Variants in DENND1A observed in about 807,000 individuals in gnomAD.
The protein encoded by DENND1A is DENN domain-containing protein 1A.
A neutral mutation model predicts 113.7 loss-of-function variants in DENND1A; 51 were observed. The ratio of observed to expected loss-of-function variants is 0.45; its 90% CI spans 0.36 to 0.57. The LOEUF (loss-of-function observed/expected upper bound fraction) is 0.57. DENND1A is among the 20% of genes least tolerant of loss of function. The pLI is 0.00. For missense variants in DENND1A, 1,258 were observed against 1,395.9 expected (o/e 0.90, Z 1.57); for synonymous variants, 565 against 570.8 (o/e 0.99, Z 0.14).
intron 13 of DENND1A, among the ~76,000 whole-genome samples, chr9:123,539,839 C>T (rs555240091): frequency 8.7e-5 from 13 of 148,800 alleles, no homozygotes; most frequent in Non-Finnish European, 1.8e-4. Context: ...GCCGAGATCG[C>T]GCCACTGCAC....
chr9:123,710,226 A>G (rs2066489347), intron 5 of DENND1A, among the ~76,000 whole-genome samples: 1 of 152,230 alleles, frequency 6.6e-6, no homozygotes, highest in Non-Finnish European at 1.5e-5. Context: ...GCGTCTAAAG[A>G]TACAAAATCT....
At chr9:123,490,224 C>T (rs1016760613) in intron 13 of DENND1A, among the ~76,000 whole-genome samples, 11 of 152,126 alleles carry the variant, frequency 7.2e-5, no homozygotes, top group Admixed American at 1.3e-4. Context: ...AAGAATAATG[C>T]GACCCACTAC....
At chr9:123,864,153 A>C (rs1845488675) in intron 2 of DENND1A, among the ~76,000 whole-genome samples, 1 of 152,206 alleles carries the variant, frequency 6.6e-6, no homozygotes, top group African/African-American at 2.4e-5. Flanking sequence ...AGGCACTGTT[A>C]ATTATTTTAT....
intron 9 of DENND1A, among the ~76,000 whole-genome samples, chr9:123,633,877 C>A (rs1008693969): frequency 1.3e-5 from 2 of 152,318 alleles, no homozygotes; most frequent in East Asian, 1.9e-4. Flanking sequence ...TTCATCCATT[C>A]GCCCATTCAT....
intron 2 of DENND1A, among the ~76,000 whole-genome samples, chr9:123,813,218 C>T (rs1015361837): frequency 6.6e-6 from 1 of 152,210 alleles, no homozygotes; most frequent in Non-Finnish European, 1.5e-5. Context: ...CTGTCTCAGC[C>T]TCCCAATATG....
Position 123,724,518 on chromosome 9 carries a change from TAA to T in DENND1A, c.302+33183_302+33184del, listed in dbSNP as rs61709188. Among the ~76,000 whole-genome samples the T allele has an allele frequency of 2.7e-3, 388 of 142,754 alleles. 1 individual carries two copies. Among genetic ancestry groups the T allele is most frequent in the African/African-American group, 7.5e-3 (296 of 39,704 alleles). The allele number at this position is 142,754 out of a possible 152,430, so 93.7% of individuals were successfully genotyped here. A position where few individuals can be genotyped will look rare whatever the true frequency, so the allele number is the denominator to read the frequency against. ...AAGACAGGACAGAGAAGCATAAAAT[TAA>T]AAAAAAAAAAAAAGTCATTGAGCAG... On this transcript the variant is annotated intron_variant, in intron 5 of 23. Coordinates refer to ENST00000394215, the MANE Select transcript of DENND1A (RefSeq NM_001352964.2).
intron 19 of DENND1A, among the ~76,000 whole-genome samples, chr9:123,430,575 C>T (rs926134803): frequency 6.6e-6 from 1 of 152,132 alleles, no homozygotes; most frequent in South Asian, 2.1e-4. Context: ...TGCAGGAATA[C>T]AAAACCAAAC....
Position 123,744,718 on chromosome 9 carries a change from T to C in DENND1A, c.302+12985A>G, listed in dbSNP as rs369933102. On this transcript the variant is annotated intron_variant, in intron 5 of 23. Transcript: ENST00000394215. ...TTTCAATATCTACTATACTATGTGA[T>C]GTGGTGAGATGTCCACGACCACCTT... Among the ~76,000 whole-genome samples the C allele has an allele frequency of 5.3e-5, 8 of 152,134 alleles. No homozygotes were observed. In the East Asian group the frequency reaches 1.5e-3, roughly 29 times the overall value.
chr9:123,584,435 T>C (rs1377967850), intron 11 of DENND1A, among the ~76,000 whole-genome samples: 1 of 152,084 alleles, frequency 6.6e-6, no homozygotes, highest in Non-Finnish European at 1.5e-5. Context: ...GCCTGCCGAG[T>C]GGCACCAGTC....
In DENND1A at chr9:123,382,251, C is replaced by T. The variant is rs1466304721; in HGVS notation, c.2394G>A (p.Arg798=). The T allele has an allele frequency of 2.5e-6, 4 of 1,609,948 alleles. No homozygotes were observed. Among genetic ancestry groups the T allele is most frequent in the African/African-American group, 1.3e-5 (1 of 74,906 alleles). Residue 798 remains arginine, a synonymous_variant, in exon 24 of 24, where the codon CGG becomes CGA. Transcript: ENST00000394215. ...AGAALGDVSE[R]LQTDRDRRAA... is the part of the protein sequence containing the mutation. ...CTCGCCTGTCCCGATCCGTCTGCAG[C>T]CGCTCTGAGACGTCACCAAGTGCGG...
intron 13 of DENND1A, among the ~76,000 whole-genome samples, chr9:123,537,669 G>C (rs921244986): frequency 1.3e-4 from 19 of 148,040 alleles, no homozygotes; most frequent in Admixed American, 6.7e-5. Context: ...TGGGCATGTA[G>C]TTAAAAAAAA....
chr9:123,495,167 CTCTTA>C (rs1414261308), intron 13 of DENND1A, among the ~76,000 whole-genome samples: 1 of 140,570 alleles, frequency 7.1e-6, no homozygotes, highest in African/African-American at 2.5e-5. Context: ...CTCTCTCTCT[CTCTTA>C]TAATGTCTGT....
chr9:123,929,816 C>G (rs1371356509), intron 1 of DENND1A, 73 bp downstream of exon 1: 2 of 184,876 alleles, frequency 1.1e-5, no homozygotes, highest in South Asian at 1.7e-4. Flanking sequence ...CCGCGCGGCC[C>G]GCGGCCTGCA....
intron 2 of DENND1A, among the ~76,000 whole-genome samples, chr9:123,848,437 T>C (rs534021816): frequency 6.6e-6 from 1 of 152,244 alleles, no homozygotes; most frequent in South Asian, 2.1e-4. Flanking sequence ...CCATAAACCA[T>C]GCCCATATAA....
Position 123,383,925 on chromosome 9 carries a change from A to C in DENND1A, c.1761-12T>G. ...GATACGGCTGCGGCCTGTCGGGGAC[A>C]GAGCAGGCTGCACTCTCCCACCCAG... On this transcript the variant is annotated splice_polypyrimidine_tract_variant and intron_variant, in intron 22 of 23. Coordinates refer to ENST00000394215, the MANE Select transcript of DENND1A (RefSeq NM_001352964.2). The C allele has an allele frequency of 6.2e-7, 1 of 1,600,986 alleles. No homozygotes were observed. The highest frequency in any genetic ancestry group is 8.5e-7 in the Non-Finnish European group (1 of 1,176,402).
chr9:123,751,906 G>A (rs1434411232), intron 5 of DENND1A: 4 of 152,178 alleles, frequency 2.6e-5, no homozygotes, highest in African/African-American at 7.2e-5. Flanking sequence ...CTGTGACTTT[G>A]AAGAACCTTA....
intron 13 of DENND1A, among the ~76,000 whole-genome samples, chr9:123,469,217 C>T (rs2049196512): frequency 6.6e-6 from 1 of 152,258 alleles, no homozygotes; most frequent in Admixed American, 6.5e-5. Flanking sequence ...AATAGACTCC[C>T]AGTCTGGGCC....
intron 2 of DENND1A, among the ~76,000 whole-genome samples, chr9:123,864,479 C>T (rs560437674): frequency 3.5e-4 from 54 of 152,204 alleles, no homozygotes; most frequent in African/African-American, 1.2e-3. Context: ...CGCCGAGGCC[C>T]GGGGTAAATG....
intron 3 of DENND1A, among the ~76,000 whole-genome samples, chr9:123,770,136 G>A (rs1487949044): frequency 6.6e-6 from 1 of 151,840 alleles, no homozygotes; most frequent in Non-Finnish European, 1.5e-5. Flanking sequence ...TGCCATTTTG[G>A]GCATATATTT....
Sources: allele counts gnomAD v4.1 joint callset (sites outside exome capture counted in the v4.1 genomes callset), GRCh38; gene constraint gnomAD v4.1.1; transcripts MANE v1.5; gene names NCBI Gene and HGNC (gene_info 2026-07-23, HGNC 2026-07-21).